SCAMP3: variants seen among roughly 807,000 people sequenced by gnomAD.
The protein encoded by SCAMP3 is secretory carrier membrane protein 3.
In SCAMP3, 30 loss-of-function variants were observed where a neutral mutation model predicts 44.1. The ratio of observed to expected loss-of-function variants is 0.68; its 90% CI spans 0.51 to 0.92. The LOEUF (loss-of-function observed/expected upper bound fraction) is 0.92, where lower values mean the gene tolerates loss of function less well. SCAMP3 is among the 40% of genes least tolerant of loss of function. The pLI is 0.00. For missense variants in SCAMP3, 394 were observed against 440.0 expected, an observed-to-expected ratio of 0.90 and a Z score of 0.93; for synonymous variants, 168 against 171.1, an observed-to-expected ratio of 0.98 and a Z score of 0.14.
chr1:155,257,503 A>G lies in SCAMP3; in HGVS notation c.672T>C (p.Ala224=). The G allele has an allele frequency of 6.2e-7, 1 of 1,613,560 alleles. No homozygotes were observed. Among genetic ancestry groups the G allele is most frequent in the African/African-American group, 1.3e-5 (1 of 75,066 alleles). The change falls in exon 6 of 9, where the codon GCT becomes GCC. Residue 224 remains alanine, a synonymous_variant. Coordinates refer to ENST00000302631, the MANE Select transcript of SCAMP3 (RefSeq NM_005698.4). ...CCCACCACTAACACACTTACCGGAA[A>G]GCCTTATACATGGGGCGGTACCAGC... ...FVCWYRPMYK[A]FRSDSSFNFF...
Position 155,260,418 on chromosome 1 carries a change from C to A in SCAMP3, c.300G>T (p.Leu100=), listed in dbSNP as rs1164954423. ...ASAAAATAEL[L]KKQEELNRKA... is the part of the protein sequence containing the mutation. ...TCCGGTTGAGCTCCTCCTGTTTCTT[C>A]AGCAGCTCAGCTGTGGCTGCTGCAG... Residue 100 remains leucine (L), a synonymous_variant, in exon 4 of 9, where the codon CTG becomes CTT. Coordinates refer to ENST00000302631, the MANE Select transcript of SCAMP3 (RefSeq NM_005698.4). 1 of 1,614,098 alleles carries A rather than the reference C, an allele frequency of 6.2e-7. No individual in the cohort carries two copies. Among genetic ancestry groups the A allele is most frequent in the South Asian group, 1.1e-5 (1 of 91,090 alleles).
chr1:155,256,922 C>A (rs1186389246), intron 7 of SCAMP3, 131 bp from the exon 8 acceptor site: 9 of 684,416 alleles, frequency 1.3e-5, no homozygotes, highest in Non-Finnish European at 2.3e-5. Context: ...TTCCAAGCAC[C>A]ACAATCCCAA....
chr1:155,261,459 C>T, intron 2 of SCAMP3, 198 bp downstream of exon 2: 1 of 617,754 alleles, frequency 1.6e-6, no homozygotes, highest in South Asian at 1.8e-5. Context: ...ACTTTTAGAG[C>T]TCAAACCATT....
intron 5 of SCAMP3, among the ~76,000 whole-genome samples, chr1:155,258,377 C>T (rs1268511096): frequency 1.1e-4 from 13 of 123,718 alleles, no homozygotes; most frequent in South Asian, 2.8e-4. Context: ...GCTCTTGTTG[C>T]CCAGGCTGGA....
intron 7 of SCAMP3, 35 bp from the exon 8 acceptor site, chr1:155,256,826 T>C (rs746268926): frequency 2.6e-6 from 4 of 1,531,298 alleles, no homozygotes; most frequent in Non-Finnish European, 3.6e-6. Flanking sequence ...GAAGAGGGGC[T>C]CCTCAGCTTC....
rs774246298 is a variant in SCAMP3, at chr1:155,257,517, G to A, written c.658C>T (p.Pro220Ser). 1 of 1,613,248 alleles carries A rather than the reference G, an allele frequency of 6.2e-7. No homozygotes were observed. The highest frequency in any genetic ancestry group is 1.1e-5 in the South Asian group (1 of 90,844). The part of the protein sequence containing the change: ...TPCSFVCWYR[P>S]MYKAFRSDSS... ...ACTTACCGGAAAGCCTTATACATGG[G>A]GCGGTACCAGCAGACAAAGGAGCAG... is the stretch of plus-strand genomic sequence containing the variant. The change falls in exon 6 of 9, where the codon CCC becomes TCC. Residue 220 changes from proline (P) to serine (S), a missense_variant. Coordinates refer to ENST00000302631, the MANE Select transcript of SCAMP3 (RefSeq NM_005698.4).
intron 4 of SCAMP3, 141 bp from the exon 5 acceptor site, chr1:155,259,095 G>A (rs1257229142): frequency 4.6e-5 from 33 of 712,578 alleles, no homozygotes; most frequent in Non-Finnish European, 6.6e-5. Context: ...TGTTCAGGCT[G>A]GAAGGTAGTG....
Position 155,256,172 on chromosome 1 carries a change from G to A in SCAMP3, c.*101C>T. 4.1e-6 allele frequency: 5 copies of A among 1,224,648 alleles called. No individual in the cohort carries two copies. Among genetic ancestry groups the A allele is most frequent in the East Asian group, 2.4e-5 (1 of 41,138 alleles). The allele number at this position is 1,224,648 out of a possible 1,614,324, so 75.9% of individuals were successfully genotyped here. On this transcript the variant is annotated 3_prime_UTR_variant, in exon 9 of 9. Coordinates refer to ENST00000302631, the MANE Select transcript of SCAMP3 (RefSeq NM_005698.4). ...CCATAGGATTGGGAGCACTACGGAG[G>A]AGCCATCAGTTAGTGATGTCTCTCC...
chr1:155,256,765 G>C lies in SCAMP3; in HGVS notation c.806C>G (p.Pro269Arg), dbSNP rs200734452. 1 of 1,614,110 alleles carries C rather than the reference G, an allele frequency of 6.2e-7. No homozygotes were observed. The highest frequency in any genetic ancestry group is 1.1e-5 in the South Asian group (1 of 91,076). Reference protein sequence around the residue: ...FSGWISALVVPKGNTAVSVLM... With the variant: ...FSGWISALVVRKGNTAVSVLM... ...CACGGATACTGCTGTGTTGCCCTTC[G>C]GCACCACCAGAGCAGAGATCCAGCC... Residue 269 changes from proline (P) to arginine (R), a missense_variant, in exon 8 of 9, where the codon CCG becomes CGG. Pro to Arg is a moderately radical substitution (Grantham distance 103, BLOSUM62 -2). Transcript: ENST00000302631.
intron 2 of SCAMP3, among the ~76,000 whole-genome samples, chr1:155,260,888 T>C (rs1672941146): frequency 6.6e-6 from 1 of 151,594 alleles, no homozygotes; most frequent in Admixed American, 6.6e-5. Flanking sequence ...AAATCACTCA[T>C]TTACCATATC....
In SCAMP3 at chr1:155,260,627, G is replaced by T; in HGVS notation, c.177C>A (p.Ala59=). ...AGGGAGCTGAGGGTGGAGGCAATGGGGCAGGGGCTGGAGGCTCATAGGCTG... is the reference window on the plus strand; with the variant it reads ...AGGGAGCTGAGGGTGGAGGCAATGGTGCAGGGGCTGGAGGCTCATAGGCTG... ...PPPAYEPPAP[A]PLPPPSAPSL... Residue 59 remains alanine (A), a synonymous_variant, in exon 3 of 9, where the codon GCC becomes GCA. Coordinates refer to ENST00000302631, the MANE Select transcript of SCAMP3 (RefSeq NM_005698.4). 6.2e-7 allele frequency: 1 copy of T among 1,613,710 alleles called. No individual in the cohort carries two copies. The highest frequency in any genetic ancestry group is 2.2e-5 in the East Asian group (1 of 44,884).
At chr1:155,256,473 C>A (rs1672799950) in intron 8 of SCAMP3, 54 bp from the exon 9 acceptor site, 1 of 1,546,966 alleles carries the variant, frequency 6.5e-7, no homozygotes, top group Non-Finnish European at 8.8e-7. Flanking sequence ...GGTTCCCCAC[C>A]CCAGCCTAAC....
chr1:155,260,028 T>G (rs940978457), intron 4 of SCAMP3, among the ~76,000 whole-genome samples: 8 of 151,338 alleles, frequency 5.3e-5, no homozygotes, highest in Admixed American at 4.6e-4. Flanking sequence ...CTCGGCTCAC[T>G]GCAACCTCCA....
Position 155,258,945 on chromosome 1 carries a change from T to G in SCAMP3, c.398A>C (p.Asn133Thr). 1 of 1,611,990 alleles carries G rather than the reference T, an allele frequency of 6.2e-7. No homozygotes were observed. Among genetic ancestry groups the G allele is most frequent in the Non-Finnish European group, 8.5e-7 (1 of 1,179,176 alleles). The change falls in exon 5 of 9, where the codon AAC becomes ACC. Residue 133 changes from asparagine to threonine, a missense_variant. By Grantham distance (65) the Asn-to-Thr change is moderately conservative. Transcript: ENST00000302631. ...AAAAGAAGGTAGAGGGGGCCAATTG[T>G]TCTGTCGAGCTGTAAGGCACAAAAA... The part of the protein sequence containing the change: ...AALGGTATRQ[N>T]NWPPLPSFCP...
intron 2 of SCAMP3, 71 bp downstream of exon 2, chr1:155,261,586 G>T: frequency 7.3e-7 from 1 of 1,372,404 alleles, no homozygotes; most frequent in Non-Finnish European, 1.0e-6. Context: ...AAAGTCCCCT[G>T]TACCCAAGCT....
At position 155,262,288 on chromosome 1, in the gene SCAMP3, CG is replaced by C. The variant is rs976209241; in HGVS notation, c.-138del. 5.3e-6 allele frequency: 4 copies of C among 751,192 alleles called. No homozygotes were observed. The highest frequency in any genetic ancestry group is 2.9e-5 in the Admixed American group (1 of 34,100). The allele number at this position is 751,192 out of a possible 1,614,324, so 46.5% of individuals were successfully genotyped here. ...CTGTGCACGGATTGGTTCCACCGAC[CG>C]GAAGGGCCACAAGGATCCCCGCAGC... On this transcript the variant is annotated 5_prime_UTR_variant, in exon 1 of 9. Transcript: ENST00000302631.
rs1672790503 is a variant in SCAMP3 at position 155,256,297 on chromosome 1, AG to A, written c.1019del (p.Ala340ValfsTer11). ...TAAANAAAGA[A>X]ENAFRAP ...GTCACGGGGCCCGGAAGGCATTTTC[AG>A]CAGCCCCAGCGGCTGCATTGGCAGC... On this transcript the variant is annotated frameshift_variant, in exon 9 of 9. Coordinates refer to ENST00000302631, the MANE Select transcript of SCAMP3 (RefSeq NM_005698.4). LOFTEE classifies it high-confidence loss of function. 6.3e-7 allele frequency: 1 copy of A among 1,585,146 alleles called. No homozygotes were observed. The highest frequency in any genetic ancestry group is 1.1e-5 in the South Asian group (1 of 89,400).
Position 155,257,315 on chromosome 1 carries a change from T to C in SCAMP3, c.749A>G (p.Gln250Arg). The C allele has an allele frequency of 2.5e-6, 4 of 1,613,808 alleles. No homozygotes were observed. The highest frequency in any genetic ancestry group is 3.4e-6 in the Non-Finnish European group (4 of 1,179,768). The change falls in exon 7 of 9, where the codon CAG becomes CGG. Residue 250 changes from glutamine to arginine, a missense_variant. Physicochemically the swap from Gln to Arg is conservative, Grantham distance 43. Coordinates refer to ENST00000302631, the MANE Select transcript of SCAMP3 (RefSeq NM_005698.4). ...FFVQDVLFVL[Q>R]AIGIPGWGFS... ...TCCCCAACCTGGGATACCAATGGCC[T>C]GGAGGACAAAGAGCACATCCTGGAC... is the stretch of plus-strand genomic sequence containing the variant.
At chr1:155,261,453 T>C (rs1672959271) in intron 2 of SCAMP3, 1 of 609,234 alleles carries the variant, frequency 1.6e-6, no homozygotes, top group Non-Finnish European at 3.0e-6. Flanking sequence ...GGACTGACTT[T>C]TAGAGCTCAA....
Sources: allele counts gnomAD v4.1 joint callset (sites outside exome capture counted in the v4.1 genomes callset), GRCh38; gene constraint gnomAD v4.1.1; transcripts MANE v1.5; gene names NCBI Gene and HGNC (gene_info 2026-07-23, HGNC 2026-07-21).